Variants in ABCA12 observed in about 807,000 individuals in gnomAD.
ABCA12 encodes ATP binding cassette subfamily A member 12.
In ABCA12, 156 loss-of-function variants were observed where a neutral mutation model predicts 293.5. That is an observed-to-expected ratio of 0.53 (90% confidence interval 0.47 to 0.61). The LOEUF (loss-of-function observed/expected upper bound fraction) is 0.61. Ranked by LOEUF, ABCA12 falls within the 20% of genes least tolerant of loss-of-function variation. The probability of loss-of-function intolerance (pLI) is 0.00; values close to 1 mark genes in which losing one functional copy is unlikely to be tolerated. For synonymous variants in ABCA12, 1,063 were observed against 1,108.0 expected (o/e 0.96, Z 0.81); for missense variants, 2,797 against 3,090.2 (o/e 0.91, Z 2.25).
intron 16 of ABCA12, 108 bp downstream of exon 16, chr2:215,011,863 T>G (rs1325561233): frequency 5.6e-6 from 7 of 1,244,658 alleles, no homozygotes; most frequent in Non-Finnish European, 7.7e-6. Context: ...CTTGTAGGTG[T>G]TGTTTTTTTT....
Position 214,997,873 on chromosome 2 carries a change from A to G in ABCA12, c.3180-64T>C. 12 of 962,616 alleles carry G rather than the reference A, an allele frequency of 1.2e-5. No homozygotes were observed. In the South Asian group the frequency reaches 1.5e-4, roughly 12 times the overall value. The allele number at this position is 962,616 out of a possible 1,614,324, so 59.6% of individuals were successfully genotyped here. On this transcript the variant is annotated intron_variant, in intron 22 of 52. Transcript: ENST00000272895. ...AATGAACACCATACTTGCAGAGATT[A>G]TAATATATAAAGAACTCACTCTCTC...
rs896387083 is a variant in ABCA12, at chr2:215,124,166, T to C, written c.70-12476A>G. Among the ~76,000 whole-genome samples the C allele has an allele frequency of 2.0e-5, 3 of 152,364 alleles. 1 individual carries two copies. The highest frequency in any genetic ancestry group is 7.2e-5 in the African/African-American group (3 of 41,590). The stretch of plus-strand genomic sequence containing the variant: ...TTCCACAGTTTTTTAATCCACTTGT[T>C]GATTGATGGGCATTTGGGTTGGTTC... On this transcript the variant is annotated intron_variant, in intron 1 of 52. Coordinates refer to ENST00000272895, the MANE Select transcript of ABCA12 (RefSeq NM_173076.3).
chr2:215,087,939 C>G (rs564194184), intron 2 of ABCA12, among the ~76,000 whole-genome samples: 1 of 152,274 alleles, frequency 6.6e-6, no homozygotes, highest in South Asian at 2.1e-4. Flanking sequence ...TTTTACATGA[C>G]TGAATGTTCT....
At position 215,019,897 on chromosome 2, in the gene ABCA12, A is replaced by G. The variant is rs2106013946; in HGVS notation, c.1288-101T>C. Reference sequence around the variant, plus strand: ...CCACAATTGATTTCCTTTAAGAAAAACATTCTGCCTATGTATGTGGTTAGT... The same window carrying G: ...CCACAATTGATTTCCTTTAAGAAAAGCATTCTGCCTATGTATGTGGTTAGT... On this transcript the variant is annotated intron_variant, in intron 11 of 52. Coordinates refer to ENST00000272895, the MANE Select transcript of ABCA12 (RefSeq NM_173076.3). 7 of 1,414,764 alleles carry G rather than the reference A, an allele frequency of 4.9e-6. No homozygotes were observed. The South Asian group carries it at 8.3e-5, about 17-fold the overall frequency. 87.6% of individuals were successfully genotyped at this position (1,414,764 alleles called of 1,614,324 possible).
chr2:215,038,678 C>T (rs367669589), intron 7 of ABCA12, among the ~76,000 whole-genome samples: 3 of 152,206 alleles, frequency 2.0e-5, no homozygotes, highest in African/African-American at 4.8e-5. Context: ...TGTCTCAGGG[C>T]GTAAATCTTG....
chr2:215,110,790 A>C (rs748239736), intron 2 of ABCA12, among the ~76,000 whole-genome samples: 12 of 152,216 alleles, frequency 7.9e-5, no homozygotes, highest in Non-Finnish European at 1.0e-4. Flanking sequence ...AATTACCATA[A>C]TTTATGTGAA....
intron 1 of ABCA12, among the ~76,000 whole-genome samples, chr2:215,131,700 T>C (rs987351882): frequency 1.3e-5 from 1 of 74,970 alleles, no homozygotes; most frequent in East Asian, 3.3e-4. Context: ...ATCCTTTCTA[T>C]TGTTTTTTTT....
At chr2:215,100,166 C>A (rs1030523722) in intron 2 of ABCA12, among the ~76,000 whole-genome samples, 11 of 152,050 alleles carry the variant, frequency 7.2e-5, no homozygotes, top group Non-Finnish European at 5.9e-5. Flanking sequence ...AGGCACATAC[C>A]ACCACATGTG....
intron 8 of ABCA12, among the ~76,000 whole-genome samples, chr2:215,036,528 G>A (rs78692148): frequency 0.024 from 3,664 of 152,016 alleles, 161 homozygotes; most frequent in African/African-American, 0.084. Context: ...TATGCCAAAG[G>A]GACATTTTGT....
intron 2 of ABCA12, among the ~76,000 whole-genome samples, chr2:215,109,679 AT>A (rs141890208): frequency 0.015 from 2,334 of 152,006 alleles, 60 homozygotes; most frequent in African/African-American, 0.052. Flanking sequence ...TTTCTCTAGT[AT>A]TTTTTTTCTT....
intron 11 of ABCA12, among the ~76,000 whole-genome samples, chr2:215,021,788 A>AG (rs11438926): frequency 1 from 151,937 of 152,362 alleles, 75,760 homozygotes; most frequent in East Asian, 1. Flanking sequence ...AACTACACGT[A>AG]GTTATAGCAA....
chr2:214,986,215 C>T (rs1341801564), intron 28 of ABCA12, among the ~76,000 whole-genome samples: 1 of 152,148 alleles, frequency 6.6e-6, no homozygotes, highest in Non-Finnish European at 1.5e-5. Flanking sequence ...TTTAAGAGAT[C>T]AGTTACTAAT....
chr2:214,974,695 A>G, intron 35 of ABCA12, 83 bp downstream of exon 35: 1 of 1,306,852 alleles, frequency 7.7e-7, no homozygotes, highest in East Asian at 2.3e-5. Context: ...CAGGCAAATA[A>G]CAGACACACA....
At chr2:214,951,752 G>C (rs151202714) in intron 44 of ABCA12, among the ~76,000 whole-genome samples, 1 of 152,026 alleles carries the variant, frequency 6.6e-6, no homozygotes, top group Admixed American at 6.6e-5. Flanking sequence ...GCAAGACTCC[G>C]TCTCAAAAAA....
rs267599199 is a variant in ABCA12, at chr2:215,004,288, C to T, written c.2604G>A (p.Arg868=). 126 of 1,611,552 alleles carry T rather than the reference C, an allele frequency of 7.8e-5. No homozygotes were observed. Among genetic ancestry groups the T allele is most frequent in the Non-Finnish European group, 1.0e-4 (119 of 1,178,544 alleles). ...QAIPMLQNTL[R]NPFVQVFVKF... ...TTACAAAAACTTGCACAAAAGGGTT[C>T]CTTAGAGTATTCTAACAAATAATAA... The change falls in exon 20 of 53, where the codon AGG becomes AGA. Residue 868 remains arginine (R), a synonymous_variant. Coordinates refer to ENST00000272895, the MANE Select transcript of ABCA12 (RefSeq NM_173076.3).
chr2:215,126,421 T>C (rs1702924281), intron 1 of ABCA12, among the ~76,000 whole-genome samples: 1 of 152,178 alleles, frequency 6.6e-6, no homozygotes, highest in Non-Finnish European at 1.5e-5. Flanking sequence ...TGTGAATCTG[T>C]CTGGTCCTGG....
At chr2:214,942,815 G>T in intron 50 of ABCA12, 110 bp downstream of exon 50, 1 of 872,204 alleles carries the variant, frequency 1.1e-6, no homozygotes, top group Non-Finnish European at 1.9e-6. Flanking sequence ...AGATTAGCTT[G>T]TCCATTCTAG....
At chr2:215,012,663 A>G (rs560509587) in intron 15 of ABCA12, among the ~76,000 whole-genome samples, 43 of 152,264 alleles carry the variant, frequency 2.8e-4, no homozygotes, top group Middle Eastern at 6.8e-3. Context: ...GCAAATAGAC[A>G]TGAGGTTTCC....
chr2:215,027,350 A>G (rs1408201988), intron 9 of ABCA12, among the ~76,000 whole-genome samples: 1 of 150,818 alleles, frequency 6.6e-6, no homozygotes, highest in Non-Finnish European at 1.5e-5. Flanking sequence ...CATCTCAAAA[A>G]AAAAGAAAAA....
Sources: gnomAD v4.1 joint callset for allele counts (sites outside exome capture counted in the v4.1 genomes callset) on GRCh38, gnomAD v4.1.1 for gene constraint, MANE v1.5 for transcripts, NCBI Gene and HGNC (gene_info 2026-07-23, HGNC 2026-07-21) for gene names.